The following IFFO2 variants were observed in gnomAD, a reference collection of about 807,000 sequenced individuals.
IFFO2 encodes intermediate filament family orphan 2.
IFFO2 carries 19 observed loss-of-function variants against 53.5 expected under a neutral mutation model. The ratio of observed to expected loss-of-function variants is 0.36; its 90% CI spans 0.25 to 0.52. The LOEUF is 0.52. IFFO2 is among the 20% of genes least tolerant of loss of function. The pLI, the probability that IFFO2 is intolerant of heterozygous loss-of-function variation, is 0.94. For synonymous variants in IFFO2, 303 were observed against 313.6 expected, an observed-to-expected ratio of 0.97 and a Z score of 0.36; for missense variants, 570 against 727.4, an observed-to-expected ratio of 0.78 and a Z score of 2.49.
At chr1:18,929,368 G>A (rs1430764520) in intron 1 of IFFO2, among the ~76,000 whole-genome samples, 2 of 152,204 alleles carry the variant, frequency 1.3e-5, no homozygotes, top group African/African-American at 4.8e-5. Flanking sequence ...GGGCAAATGG[G>A]TGGGTGAAAG....
chr1:18,910,375 G>T lies in IFFO2; in HGVS notation c.1415C>A (p.Thr472Asn). 6.2e-7 allele frequency: 1 copy of T among 1,613,502 alleles called. No homozygotes were observed. Among genetic ancestry groups the T allele is most frequent in the Non-Finnish European group, 8.5e-7 (1 of 1,179,700 alleles). The part of the protein sequence containing the change: ...MKRGLDVQME[T>N]CRRLIKGSAD... Reference sequence around the variant, plus strand: ...GGAGCCTTTGATGAGCCGGCGGCAGGTCTCCATCTGCACGTCCAGGCCTCG... The same window carrying T: ...GGAGCCTTTGATGAGCCGGCGGCAGTTCTCCATCTGCACGTCCAGGCCTCG... The change falls in exon 8 of 9, where the codon ACC (threonine) becomes AAC (asparagine). Residue 472 changes from threonine (T) to asparagine (N), a missense_variant. Coordinates refer to ENST00000455833, the MANE Select transcript of IFFO2 (RefSeq NM_001136265.2).
intron 1 of IFFO2, among the ~76,000 whole-genome samples, chr1:18,934,300 G>A (rs1054146363): frequency 5.3e-5 from 8 of 151,932 alleles, no homozygotes; most frequent in African/African-American, 1.7e-4. Flanking sequence ...TCGAACTCCC[G>A]GGCTCAAGCA....
rs1463915174 is a variant in IFFO2, at chr1:18,905,898, T to G, written c.*2663A>C. 8 of 152,100 alleles carry G rather than the reference T, an allele frequency of 5.3e-5. No individual in the cohort carries two copies. In the South Asian group the frequency reaches 1.0e-3, roughly 20 times the overall value. 9.4% of individuals were successfully genotyped at this position (152,100 alleles called of 1,614,324 possible). ...TGGGCTTAGAAATAGAAAGTCAAAA[T>G]TAAGTATTTACAGCTTTACAAAGGA... On this transcript the variant is annotated 3_prime_UTR_variant, in exon 9 of 9. Coordinates refer to ENST00000455833, the MANE Select transcript of IFFO2 (RefSeq NM_001136265.2).
At chr1:18,934,057 C>CTTTCTTTTTT (rs1936413944) in intron 1 of IFFO2, among the ~76,000 whole-genome samples, 3 of 70,330 alleles carry the variant, frequency 4.3e-5, no homozygotes, top group Admixed American at 2.1e-4. Context: ...TCTCTTATTT[C>CTTTCTTTTTT]TTTTTTTTTT....
Position 18,918,730 on chromosome 1 carries a change from G to T in IFFO2, c.823-228C>A, listed in dbSNP as rs2100650528. On this transcript the variant is annotated intron_variant, in intron 3 of 8. Transcript: ENST00000455833. The surrounding 1 kb of genome is among the most constrained non-coding windows in gnomAD (Gnocchi z 5.2). The stretch of plus-strand genomic sequence containing the variant: ...CAGGGGCCAGTGTGACGCCGTGTGT[G>T]CTGCTCTCCCTAAGGGCTGGAAGGC... Among the ~76,000 whole-genome samples the T allele has an allele frequency of 6.6e-6, 1 of 152,176 alleles. No homozygotes were observed. Among genetic ancestry groups the T allele is most frequent in the Non-Finnish European group, 1.5e-5 (1 of 67,984 alleles).
In IFFO2 at chr1:18,947,931, G is replaced by C. The variant is rs1036619649; in HGVS notation, c.665+7737C>G. Among the ~76,000 whole-genome samples, 4 of 152,234 alleles carry C rather than the reference G, an allele frequency of 2.6e-5. No individual in the cohort carries two copies. The highest frequency in any genetic ancestry group is 1.9e-4 in the East Asian group (1 of 5,200). The stretch of plus-strand genomic sequence containing the variant: ...TGAGCCAGCCTTTGGCAACCTCCAG[G>C]GGCATGGGACAAGGCCACCTCCTGG... On this transcript the variant is annotated intron_variant, in intron 1 of 8. Transcript: ENST00000455833. The surrounding 1 kb of genome is among the most constrained non-coding windows in gnomAD (Gnocchi z 5.0).
In IFFO2 at chr1:18,953,313, T is replaced by A. The variant is rs572217935; in HGVS notation, c.665+2355A>T. On this transcript the variant is annotated intron_variant, in intron 1 of 8. Transcript: ENST00000455833. ...CTAGCCCAGTGGTTTTTCAACTTTT[T>A]AAAAAATGTTTATCAAATGTCTGCC... Among the ~76,000 whole-genome samples the A allele has an allele frequency of 5.3e-5, 8 of 152,270 alleles. No homozygotes were observed. In the South Asian group the frequency reaches 8.3e-4, roughly 16 times the overall value.
At chr1:18,908,711 G>T (rs1557636556) in intron 8 of IFFO2, 45 bp from the exon 9 acceptor site, 2 of 1,390,246 alleles carry the variant, frequency 1.4e-6, no homozygotes, top group South Asian at 2.5e-5. Context: ...GCAGCCCTGG[G>T]CCTCTGAAGG....
In IFFO2 at chr1:18,917,240, C is replaced by T. The variant is rs1489792921; in HGVS notation, c.964-198G>A. On this transcript the variant is annotated intron_variant, in intron 4 of 8. Transcript: ENST00000455833. The surrounding 1 kb of genome is among the most constrained non-coding windows in gnomAD (Gnocchi z 5.9). ...GAGGTGGGAGACATGCAGGGGGACA[C>T]AGACGGCCTGGACTCTTCCCTGCCC... is the stretch of plus-strand genomic sequence containing the variant. Among the ~76,000 whole-genome samples, 1 of 152,214 alleles carries T rather than the reference C, an allele frequency of 6.6e-6. No homozygotes were observed. Among genetic ancestry groups the T allele is most frequent in the African/African-American group, 2.4e-5 (1 of 41,456 alleles).
chr1:18,950,524 C>G (rs1180578745), intron 1 of IFFO2, among the ~76,000 whole-genome samples: 4 of 152,346 alleles, frequency 2.6e-5, no homozygotes, highest in Admixed American at 2.6e-4. Context: ...GGCCAAGCCA[C>G]TTGCCCATGT....
chr1:18,945,726 G>T (rs1004344469), intron 1 of IFFO2, among the ~76,000 whole-genome samples: 1 of 152,240 alleles, frequency 6.6e-6, no homozygotes, highest in African/African-American at 2.4e-5. Context: ...TTCTGCCAGG[G>T]CCAAGGCCCA....
rs1361545068 is a variant in IFFO2 at position 18,917,437 on chromosome 1, A to G, written c.964-395T>C. On this transcript the variant is annotated intron_variant, in intron 4 of 8. Coordinates refer to ENST00000455833, the MANE Select transcript of IFFO2 (RefSeq NM_001136265.2). The surrounding 1 kb of genome is among the most constrained non-coding windows in gnomAD (Gnocchi z 5.9). ...AAGGCTATACGGCCCCATGCTGACC[A>G]GAGCCCTCCTGCTCACATGCAAAGG... 2.6e-5 allele frequency among the ~76,000 whole-genome samples: 4 copies of G among 152,186 alleles called. No homozygotes were observed. The East Asian group carries it at 7.7e-4, about 29-fold the overall frequency.
chr1:18,921,105 C>A lies in IFFO2; in HGVS notation c.682G>T (p.Ala228Ser), dbSNP rs963393362. 1 of 1,551,800 alleles carries A rather than the reference C, an allele frequency of 6.4e-7. No individual in the cohort carries two copies. Among genetic ancestry groups the A allele is most frequent in the Non-Finnish European group, 8.7e-7 (1 of 1,147,056 alleles). Reference protein sequence around the residue: ...EYKRRWEEELAKRMNLQTMVD... With the variant: ...EYKRRWEEELSKRMNLQTMVD... ...ATGGTCTGAAGGTTCATGCGCTTGG[C>A]GAGCTCCTCCTCCCACCTGCAAAAG... Residue 228 changes from alanine (A) to serine (S), a missense_variant, in exon 2 of 9, where the codon GCC (alanine) becomes TCC (serine). Physicochemically the swap from Ala to Ser is moderately conservative, Grantham distance 99 (BLOSUM62 1). Coordinates refer to ENST00000455833, the MANE Select transcript of IFFO2 (RefSeq NM_001136265.2).
intron 2 of IFFO2, 81 bp downstream of exon 2, chr1:18,920,980 T>C (rs1936208076): frequency 1.6e-6 from 2 of 1,289,008 alleles, no homozygotes; most frequent in African/African-American, 3.0e-5. Flanking sequence ...ATTTCCTGGC[T>C]TTGCCGCATG....
Position 18,918,870 on chromosome 1 carries a change from C to T in IFFO2, c.823-368G>A, listed in dbSNP as rs192670131. ...CCACCGGCACACCCCACCTGTCCCC[C>T]ACACAGGCAGCTCTCTCTCCTGGAT... On this transcript the variant is annotated intron_variant, in intron 3 of 8. Coordinates refer to ENST00000455833, the MANE Select transcript of IFFO2 (RefSeq NM_001136265.2). This position sits in a 1 kb window ranked among gnomAD's most constrained non-coding sequence, Gnocchi z 5.2. Among the ~76,000 whole-genome samples the T allele has an allele frequency of 2.6e-5, 4 of 152,260 alleles. No homozygotes were observed. The East Asian group carries it at 7.7e-4, about 29-fold the overall frequency.
chr1:18,906,088 G>C lies in IFFO2; in HGVS notation c.*2473C>G, dbSNP rs1935944528. On this transcript the variant is annotated 3_prime_UTR_variant, in exon 9 of 9. Transcript: ENST00000455833. ...CAGGCAGGCAGGCAGGCCGGACCCA[G>C]GAACCAGCCCAGGAGGCAGGCCCAT... The C allele has an allele frequency of 6.6e-6, 1 of 152,154 alleles. No homozygotes were observed. Among genetic ancestry groups the C allele is most frequent in the African/African-American group, 2.4e-5 (1 of 41,192 alleles). 9.4% of individuals were successfully genotyped at this position (152,154 alleles called of 1,614,324 possible).
At position 18,956,197 on chromosome 1, in the gene IFFO2, G is replaced by A. The variant is rs1251794150; in HGVS notation, c.136C>T (p.Leu46=). ...ATGTTGGAGCCCAGGTCGTCCCGCA[G>A]CGCCGCCGTCACCGGCGACGGACCC... The part of the protein sequence containing the change: ...GPGPSPVTAA[L]RDDLGSNIHL... Residue 46 remains leucine (L), a synonymous_variant, in exon 1 of 9, where the codon CTG becomes TTG. Coordinates refer to ENST00000455833, the MANE Select transcript of IFFO2 (RefSeq NM_001136265.2). This position sits in a 1 kb window ranked among gnomAD's most constrained non-coding sequence, Gnocchi z 6.4. 3 of 1,432,738 alleles carry A rather than the reference G, an allele frequency of 2.1e-6. No individual in the cohort carries two copies. The South Asian group carries it at 3.8e-5, about 18-fold the overall frequency. 88.8% of individuals were successfully genotyped at this position (1,432,738 alleles called of 1,614,324 possible).
At chr1:18,934,244 A>AT (rs1295949378) in intron 1 of IFFO2, among the ~76,000 whole-genome samples, 4 of 147,078 alleles carry the variant, frequency 2.7e-5, no homozygotes, top group South Asian at 2.1e-4. Flanking sequence ...ATTTTTAAAA[A>AT]TTATTTTTTG....
chr1:18,926,300 C>A (rs1936296205), intron 1 of IFFO2, among the ~76,000 whole-genome samples: 1 of 152,166 alleles, frequency 6.6e-6, no homozygotes, highest in South Asian at 2.1e-4. Context: ...CAGCTTCATC[C>A]ATTCGGCTCC....
Sources: allele counts gnomAD v4.1 joint callset (sites outside exome capture counted in the v4.1 genomes callset), GRCh38; gene constraint gnomAD v4.1.1; non-coding constraint Gnocchi (gnomAD v3.1); transcripts MANE v1.5; gene names NCBI Gene and HGNC (gene_info 2026-07-23, HGNC 2026-07-21).